Variants in HLCS observed in about 807,000 individuals in gnomAD.
HLCS encodes biotin--protein ligase.
In HLCS, 53 loss-of-function variants were observed where a neutral mutation model predicts 75.0. The ratio of observed to expected loss-of-function variants is 0.71; its 90% CI spans 0.57 to 0.89. The LOEUF (loss-of-function observed/expected upper bound fraction) is 0.89, where lower values mean the gene tolerates loss of function less well. HLCS is among the 40% of genes least tolerant of loss of function. The pLI is 0.00. For synonymous variants in HLCS, 431 were observed against 428.6 expected (o/e 1.01, Z -0.07); for missense variants, 966 against 1,074.0 (o/e 0.90, Z 1.41).
At chr21:36,846,398 C>A (rs2062800883) in intron 6 of HLCS, among the ~76,000 whole-genome samples, 1 of 152,170 alleles carries the variant, frequency 6.6e-6, no homozygotes, top group African/African-American at 2.4e-5. Context: ...ACCTTTGGGA[C>A]CTCCACCAAG....
chr21:36,832,516 C>T (rs2062247822), intron 6 of HLCS, among the ~76,000 whole-genome samples: 1 of 152,224 alleles, frequency 6.6e-6, no homozygotes, highest in African/African-American at 2.4e-5. Flanking sequence ...TAGATTAGCA[C>T]ATGCCAGACA....
upstream of HLCS, among the ~76,000 whole-genome samples, chr21:36,966,943 G>A (rs2068633351): frequency 6.6e-6 from 1 of 151,656 alleles, no homozygotes; most frequent in Non-Finnish European, 1.5e-5. Flanking sequence ...AGGGGACGCC[G>A]GGGCTGCACC....
chr21:36,944,789 G>A (rs142820573), intron 2 of HLCS, among the ~76,000 whole-genome samples: 1,660 of 152,158 alleles, frequency 0.011, 18 homozygotes, highest in Non-Finnish European at 0.016. Flanking sequence ...CGTTCTTCAC[G>A]TAGTCACCAG....
intron 6 of HLCS, among the ~76,000 whole-genome samples, chr21:36,767,927 T>C (rs1197641270): frequency 6.6e-6 from 1 of 152,206 alleles, no homozygotes; most frequent in East Asian, 1.9e-4. Flanking sequence ...AAACTTTCCT[T>C]TGGGGGATAG....
At chr21:36,899,089 T>C (rs80192854) in intron 5 of HLCS, among the ~76,000 whole-genome samples, 2,969 of 152,164 alleles carry the variant, frequency 0.02, 105 homozygotes, top group African/African-American at 0.067. Context: ...TGTGGTGACA[T>C]AGGAAAAGTC....
At chr21:36,853,401 C>G (rs2063080142) in intron 6 of HLCS, among the ~76,000 whole-genome samples, 1 of 152,148 alleles carries the variant, frequency 6.6e-6, no homozygotes, top group Admixed American at 6.5e-5. Context: ...CATGGGGCAA[C>G]AGACAGGTCA....
intron 6 of HLCS, among the ~76,000 whole-genome samples, chr21:36,830,631 C>T (rs758261760): frequency 4.0e-5 from 6 of 151,814 alleles, no homozygotes; most frequent in South Asian, 2.1e-4. Flanking sequence ...CCTAGGGGTT[C>T]GAGACCAGCC....
At chr21:36,800,004 A>C (rs922145156) in intron 6 of HLCS, among the ~76,000 whole-genome samples, 1 of 152,230 alleles carries the variant, frequency 6.6e-6, no homozygotes, top group Admixed American at 6.5e-5. Context: ...CCCTCTTTCT[A>C]ATCAGGGTGG....
chr21:36,847,911 T>C (rs570327346), intron 6 of HLCS, among the ~76,000 whole-genome samples: 2 of 152,322 alleles, frequency 1.3e-5, no homozygotes, highest in South Asian at 4.1e-4. Context: ...TTTTGTTTAT[T>C]TACTTTTCGA....
chr21:36,922,497 C>T (rs930525744), intron 5 of HLCS, among the ~76,000 whole-genome samples: 3 of 152,162 alleles, frequency 2.0e-5, no homozygotes, highest in Admixed American at 6.5e-5. Flanking sequence ...CCTGGGGAGA[C>T]GCAGCCATAC....
At chr21:36,770,985 C>T (rs538612997) in intron 6 of HLCS, among the ~76,000 whole-genome samples, 3 of 152,058 alleles carry the variant, frequency 2.0e-5, no homozygotes, top group South Asian at 2.1e-4. Flanking sequence ...TTTGCGAGGC[C>T]GAGGCAGGCG....
Position 36,979,177 on chromosome 21 carries a change from CAGG to C in HLCS, c.-393+10978_-393+10980del, listed in dbSNP as rs370449411. On this transcript the variant is annotated intron_variant, in intron 1 of 11. Coordinates refer to the HLCS transcript ENST00000336648. ...GTCCCAGCTACTGGGGAGGCTGAGG[CAGG>C]AGAATAGCATGAACCCAGGAGGCGG... 3.0e-3 allele frequency among the ~76,000 whole-genome samples: 453 copies of C among 150,872 alleles called. 4 individuals are homozygous for C. The highest frequency in any genetic ancestry group is 1.0e-2 in the African/African-American group (410 of 41,018).
intron 6 of HLCS, among the ~76,000 whole-genome samples, chr21:36,801,244 A>G (rs905374837): frequency 6.6e-6 from 1 of 152,178 alleles, no homozygotes; most frequent in South Asian, 2.1e-4. Context: ...CCCAGTTCAC[A>G]ATAGAGACGC....
At chr21:36,773,171 A>G (rs1291661581) in intron 6 of HLCS, among the ~76,000 whole-genome samples, 1 of 152,224 alleles carries the variant, frequency 6.6e-6, no homozygotes, top group Non-Finnish European at 1.5e-5. Context: ...TATTAAAAAA[A>G]GATTTATTTA....
In HLCS at chr21:36,938,942, G is replaced by A. The variant is rs1368177761; in HGVS notation, c.383C>T (p.Pro128Leu). Residue 128 changes from proline (P) to leucine (L), a missense_variant, in exon 3 of 11, where the codon CCT (proline) becomes CTT (leucine). Physicochemically the swap from Pro to Leu is moderately conservative, Grantham distance 98. Transcript: ENST00000674895. ...CLPLACRPGD[P>L]YRLIAEASVD... Reference sequence around the variant, plus strand: ...ACTTGCTTCAGCAATTAGCCGATAAGGATCCCCAGGTCTGCAAGCTAATGG... The same window carrying A: ...ACTTGCTTCAGCAATTAGCCGATAAAGATCCCCAGGTCTGCAAGCTAATGG... 1 of 1,613,054 alleles carries A rather than the reference G, an allele frequency of 6.2e-7. No homozygotes were observed. Among genetic ancestry groups the A allele is most frequent in the East Asian group, 2.2e-5 (1 of 44,894 alleles).
intron 1 of HLCS, among the ~76,000 whole-genome samples, chr21:36,981,883 A>G (rs1362001713): frequency 6.6e-6 from 1 of 152,170 alleles, no homozygotes; most frequent in African/African-American, 2.4e-5. Flanking sequence ...TGGGACACAC[A>G]TGATGTTAAT....
At chr21:36,961,896 G>A (rs2068310846) in intron 2 of HLCS, 140 bp downstream of exon 2, 1 of 405,988 alleles carries the variant, frequency 2.5e-6, no homozygotes, top group South Asian at 2.2e-5. Context: ...GGAGGTCCCA[G>A]TGAGCCGAGA....
chr21:36,909,564 T>A (rs148785881), intron 5 of HLCS, among the ~76,000 whole-genome samples: 1 of 152,288 alleles, frequency 6.6e-6, no homozygotes, highest in Admixed American at 6.5e-5. Context: ...GCAATTAAGA[T>A]CAGAAACCCA....
intron 6 of HLCS, among the ~76,000 whole-genome samples, chr21:36,875,956 CCCCTTGTCTAGGTGCTGG>C (rs933537480): frequency 6.6e-6 from 1 of 151,836 alleles, no homozygotes; most frequent in Non-Finnish European, 1.5e-5. Flanking sequence ...CCACCACATT[CCCCTTGTCTAGGTGCTGG>C]TGCCTGCAGC....
Sources: gnomAD v4.1 joint callset for allele counts (sites outside exome capture counted in the v4.1 genomes callset) on GRCh38, gnomAD v4.1.1 for gene constraint, MANE v1.5 for transcripts, NCBI Gene and HGNC (gene_info 2026-07-23, HGNC 2026-07-21) for gene names.